The following GABRA3 variants were observed in gnomAD, a reference collection of about 807,000 sequenced individuals.
GABRA3 encodes the protein gamma-aminobutyric acid receptor subunit alpha-3.
In GABRA3, 10 loss-of-function variants were observed where a neutral mutation model predicts 30.1. The observed-to-expected ratio is 0.33, with a 90% CI of 0.20 to 0.56. The LOEUF is 0.56. GABRA3 is among the 20% of genes least tolerant of loss of function. The probability of loss-of-function intolerance (pLI) is 0.89; values close to 1 mark genes in which losing one functional copy is unlikely to be tolerated. For missense variants in GABRA3, 233 were observed against 392.0 expected (o/e 0.59, Z 3.42); for synonymous variants, 151 against 146.8 (o/e 1.03, Z -0.21).
chrX:152,257,521 T>C, intron 4 of GABRA3, among the ~76,000 whole-genome samples: 1 of 112,920 alleles, frequency 8.9e-6, no homozygotes, highest in Non-Finnish European at 1.9e-5. Context: ...CTCTGAGTTA[T>C]TCTCCAAACA....
Position 152,167,453 on chromosome X carries a change from A to C in GABRA3, c.*775T>G, listed in dbSNP as rs1936950849. 1 of 112,235 alleles carries C rather than the reference A, an allele frequency of 8.9e-6. No individual in the cohort carries two copies. Among genetic ancestry groups the C allele is most frequent in the Admixed American group, 9.4e-5 (1 of 10,638 alleles). 9.2% of individuals were successfully genotyped at this position (112,235 alleles called of 1,213,427 possible). Reference sequence around the variant, plus strand: ...TTTTCCTGAAAAGTTTACAGGTGGTAATGAGTCCAAATTAAGTAGTGCTCA... The same window carrying C: ...TTTTCCTGAAAAGTTTACAGGTGGTCATGAGTCCAAATTAAGTAGTGCTCA... On this transcript the variant is annotated 3_prime_UTR_variant, in exon 10 of 10. Coordinates refer to ENST00000370314, the MANE Select transcript of GABRA3 (RefSeq NM_000808.4).
At chrX:152,408,771 A>G (rs1398253209) in intron 1 of GABRA3, among the ~76,000 whole-genome samples, 15 of 100,825 alleles carry the variant, frequency 1.5e-4, no homozygotes, top group Non-Finnish European at 1.2e-4. Context: ...CATCCTGAGG[A>G]AAAAAAAAAA....
chrX:152,370,002 G>C (rs1366777443), intron 1 of GABRA3, among the ~76,000 whole-genome samples: 1 of 111,400 alleles, frequency 9.0e-6, no homozygotes, highest in Non-Finnish European at 1.9e-5. Flanking sequence ...AATACTAGTT[G>C]TGTTAGGCTT....
At chrX:152,264,636 C>T (rs1420750158) in intron 4 of GABRA3, among the ~76,000 whole-genome samples, 1 of 110,859 alleles carries the variant, frequency 9.0e-6, no homozygotes, top group Non-Finnish European at 1.9e-5. Flanking sequence ...AGAAGTAAGT[C>T]CTTGCTTACT....
At chrX:152,420,243 G>A (rs964736215) in intron 1 of GABRA3, among the ~76,000 whole-genome samples, 2 of 111,320 alleles carry the variant, frequency 1.8e-5, no homozygotes, top group African/African-American at 6.5e-5. Flanking sequence ...CTCTGCTTAC[G>A]TTCAGCATTG....
chrX:152,326,927 A>G (rs953242817), intron 3 of GABRA3, among the ~76,000 whole-genome samples: 1 of 110,822 alleles, frequency 9.0e-6, no homozygotes, highest in Non-Finnish European at 1.9e-5. Flanking sequence ...TAAAGAATCT[A>G]GACCCATCAG....
In GABRA3 at chrX:152,236,857, G is replaced by A. The variant is rs1215515461; in HGVS notation, c.552-12012C>T. Among the ~76,000 whole-genome samples, 4 of 102,223 alleles carry A rather than the reference G, an allele frequency of 3.9e-5. No individual in the cohort carries two copies. In the East Asian group the frequency reaches 1.2e-3, roughly 31 times the overall value. 88.8% of individuals were successfully genotyped at this position (102,223 alleles called of 115,157 possible). Reference sequence around the variant, plus strand: ...TGATGGGGTTGTTTGTTTTTTTCTTGTAAATTTGTTTGAGTTCATTGTAGA... The same window carrying A: ...TGATGGGGTTGTTTGTTTTTTTCTTATAAATTTGTTTGAGTTCATTGTAGA... On this transcript the variant is annotated intron_variant, in intron 5 of 9. Transcript: ENST00000370314.
chrX:152,283,711 T>C (rs1322682493), intron 4 of GABRA3, among the ~76,000 whole-genome samples: 1 of 112,197 alleles, frequency 8.9e-6, no homozygotes, highest in Non-Finnish European at 1.9e-5. Context: ...CACAACTGTT[T>C]GTGTTAGTCC....
At chrX:152,257,638 A>G (rs1266544408) in intron 4 of GABRA3, among the ~76,000 whole-genome samples, 1 of 112,536 alleles carries the variant, frequency 8.9e-6, no homozygotes, top group Non-Finnish European at 1.9e-5. Flanking sequence ...CCTAAACTGG[A>G]ACACTTTTAA....
chrX:152,347,071 G>A (rs977270862), intron 2 of GABRA3, among the ~76,000 whole-genome samples: 9 of 112,007 alleles, frequency 8.0e-5, no homozygotes, highest in African/African-American at 2.9e-4. Flanking sequence ...TTCACAATCG[G>A]TAAGATTTGG....
At chrX:152,202,745 A>G (rs1937501227) in intron 7 of GABRA3, among the ~76,000 whole-genome samples, 1 of 112,301 alleles carries the variant, frequency 8.9e-6, no homozygotes, top group Non-Finnish European at 1.9e-5. Flanking sequence ...TGGTTACCTC[A>G]TAGAGCAAAA....
At chrX:152,317,234 A>T (rs1021738123) in intron 3 of GABRA3, among the ~76,000 whole-genome samples, 3 of 112,107 alleles carry the variant, frequency 2.7e-5, no homozygotes, top group African/African-American at 9.7e-5. Context: ...GGGACATTAT[A>T]TAATGATAAA....
chrX:152,409,756 T>C (rs948917825), intron 1 of GABRA3, among the ~76,000 whole-genome samples: 3 of 111,828 alleles, frequency 2.7e-5, no homozygotes, highest in Non-Finnish European at 5.7e-5. Flanking sequence ...CCATACACTG[T>C]TGGTGGAAAG....
chrX:152,236,256 G>C (rs1181705621), intron 5 of GABRA3, among the ~76,000 whole-genome samples: 2 of 103,275 alleles, frequency 1.9e-5, no homozygotes, highest in Non-Finnish European at 3.9e-5. Flanking sequence ...TTGGTTTTTT[G>C]TTCTTGCGAT....
At chrX:152,274,367 C>A (rs1256710124) in intron 4 of GABRA3, among the ~76,000 whole-genome samples, 1 of 109,459 alleles carries the variant, frequency 9.1e-6, no homozygotes, top group Non-Finnish European at 1.9e-5. Context: ...AAAACACACA[C>A]AGCATATTTA....
chrX:152,308,751 C>T (rs1228719124), intron 3 of GABRA3, among the ~76,000 whole-genome samples: 1 of 112,254 alleles, frequency 8.9e-6, no homozygotes, highest in Non-Finnish European at 1.9e-5. Context: ...TGTTTTCTTC[C>T]ATCCAAATGA....
chrX:152,447,158 C>T (rs1602736043), intron 1 of GABRA3, among the ~76,000 whole-genome samples: 1 of 111,088 alleles, frequency 9.0e-6, no homozygotes, highest in Admixed American at 9.6e-5. Context: ...AGGGCAGAGG[C>T]TATTCTTAAA....
rs1352679476 is a variant in GABRA3, at chrX:152,275,187, TTA to T, written c.330+9479_330+9480del. ...ATATATAATTTATATATATTTAATA[TTA>T]TATATATAATTTATATATATAATAT... is the stretch of plus-strand genomic sequence containing the variant. On this transcript the variant is annotated intron_variant, in intron 4 of 9. Transcript: ENST00000370314. Among the ~76,000 whole-genome samples, 158 of 74,649 alleles carry T rather than the reference TTA, an allele frequency of 2.1e-3. 3 individuals are homozygous for T. Among genetic ancestry groups the T allele is most frequent in the African/African-American group, 7.1e-3 (137 of 19,246 alleles). 64.8% of individuals were successfully genotyped at this position (74,649 alleles called of 115,157 possible).
chrX:152,406,034 T>C (rs779057897), intron 1 of GABRA3, among the ~76,000 whole-genome samples: 1 of 110,101 alleles, frequency 9.1e-6, no homozygotes, highest in African/African-American at 3.3e-5. Flanking sequence ...GGGAATTCTC[T>C]CTTATCTTAC....
Sources: gnomAD v4.1 joint callset for allele counts (sites outside exome capture counted in the v4.1 genomes callset) on GRCh38, gnomAD v4.1.1 for gene constraint, MANE v1.5 for transcripts, NCBI Gene and HGNC (gene_info 2026-07-23, HGNC 2026-07-21) for gene names.